GFRAL: variants seen among roughly 807,000 people sequenced by gnomAD.
GFRAL encodes the protein GDNF family receptor alpha like, also known as GDNF family receptor alpha-like.
Under a neutral mutation model 45.4 loss-of-function variants are expected in GFRAL, and 36 were observed. The ratio of observed to expected loss-of-function variants is 0.79; its 90% CI spans 0.61 to 1.05. GFRAL has a LOEUF of 1.05. GFRAL is among the 50% of genes least tolerant of loss of function. The pLI is 0.00. For synonymous variants in GFRAL, 166 were observed against 154.1 expected (o/e 1.08, Z -0.57); for missense variants, 507 against 467.5 (o/e 1.08, Z -0.78).
At chr6:55,364,228 A>G (rs62419077) in intron 6 of GFRAL, among the ~76,000 whole-genome samples, 26,837 of 148,558 alleles carry the variant, frequency 0.18, 2,850 homozygotes, top group African/African-American at 0.29. Context: ...TGGCTGCATA[A>G]ATGTCTTCTT....
intron 3 of GFRAL, among the ~76,000 whole-genome samples, chr6:55,347,877 T>A (rs1768064308): frequency 6.6e-6 from 1 of 152,182 alleles, no homozygotes; most frequent in African/African-American, 2.4e-5. Context: ...AAAAGAAATC[T>A]CTGTTGCATT....
intron 3 of GFRAL, among the ~76,000 whole-genome samples, chr6:55,340,956 G>C (rs1202843445): frequency 6.6e-6 from 1 of 152,190 alleles, no homozygotes; most frequent in Non-Finnish European, 1.5e-5. Flanking sequence ...CAAACTGCAA[G>C]GCAGCAGCGA....
chr6:55,331,399 T>G (rs1767827214), intron 1 of GFRAL, among the ~76,000 whole-genome samples: 1 of 152,020 alleles, frequency 6.6e-6, no homozygotes, highest in South Asian at 2.1e-4. Flanking sequence ...AACCATTAAG[T>G]TAGATTTTAA....
intron 6 of GFRAL, among the ~76,000 whole-genome samples, chr6:55,375,407 T>C (rs1469788435): frequency 6.6e-6 from 1 of 152,192 alleles, no homozygotes; most frequent in Non-Finnish European, 1.5e-5. Flanking sequence ...AGTTTGTTCA[T>C]AATTTGGCTC....
chr6:55,329,282 A>G (rs1354141356), intron 1 of GFRAL, among the ~76,000 whole-genome samples: 1 of 152,096 alleles, frequency 6.6e-6, no homozygotes. Context: ...AAGCTTGTTC[A>G]ACCAAAAACT....
chr6:55,362,220 C>A (rs1025881629), intron 6 of GFRAL, among the ~76,000 whole-genome samples: 2 of 151,356 alleles, frequency 1.3e-5, no homozygotes, highest in Non-Finnish European at 2.9e-5. Flanking sequence ...ATAGTCATGA[C>A]CCTGGCTGGT....
intron 6 of GFRAL, among the ~76,000 whole-genome samples, chr6:55,390,603 C>T (rs1768735810): frequency 6.6e-6 from 1 of 152,010 alleles, no homozygotes; most frequent in Admixed American, 6.6e-5. Context: ...GAAAGTAGTG[C>T]TCTAGGCCAG....
chr6:55,333,588 A>G (rs9475248), intron 2 of GFRAL, among the ~76,000 whole-genome samples, 198 bp from the exon 3 acceptor site: 1 of 152,122 alleles, frequency 6.6e-6, no homozygotes, highest in Non-Finnish European at 1.5e-5. Context: ...TTAATATAGA[A>G]AGTACATTAT....
chr6:55,391,518 A>C (rs1412444466), intron 6 of GFRAL, among the ~76,000 whole-genome samples: 1 of 152,176 alleles, frequency 6.6e-6, no homozygotes, highest in East Asian at 1.9e-4. Context: ...TGGGAGGCCA[A>C]GGTAAGAGGA....
intron 6 of GFRAL, among the ~76,000 whole-genome samples, chr6:55,395,195 A>T (rs1581762046): frequency 8.0e-6 from 1 of 124,442 alleles, no homozygotes; most frequent in African/African-American, 3.7e-5. Flanking sequence ...TATATATATA[A>T]GCCAGCTAGG....
chr6:55,351,466 A>G lies in GFRAL; in HGVS notation c.584A>G (p.Asp195Gly). 1.9e-6 allele frequency: 3 copies of G among 1,613,620 alleles called. No individual in the cohort carries two copies. The highest frequency in any genetic ancestry group is 1.1e-5 in the South Asian group (1 of 91,066). ...GCTTTTTGTGACTGTGCTCAATCTG[A>G]TATACCTTGTCAGCAGTCCAAAGAA... ...MLAFCDCAQS[D>G]IPCQQSKEAL... Residue 195 changes from aspartate to glycine, a missense_variant, in exon 5 of 9, where the codon GAT (aspartate) becomes GGT (glycine). Asp to Gly is a moderately conservative substitution (Grantham distance 94, BLOSUM62 -1). Transcript: ENST00000340465.
Position 55,351,236 on chromosome 6 carries a change from C to T in GFRAL, c.371-17C>T. On this transcript the variant is annotated splice_polypyrimidine_tract_variant and intron_variant, in intron 4 of 8. Transcript: ENST00000340465. ...TGTGTTTACTTTTCCACGACCTGGG[C>T]ATATCATTGCTTTCAGGATTCAAAG... 1 of 1,538,284 alleles carries T rather than the reference C, an allele frequency of 6.5e-7. No homozygotes were observed. The highest frequency in any genetic ancestry group is 2.3e-5 in the East Asian group (1 of 44,156).
At chr6:55,380,629 C>T (rs1161675583) in intron 6 of GFRAL, among the ~76,000 whole-genome samples, 2 of 152,034 alleles carry the variant, frequency 1.3e-5, no homozygotes, top group Non-Finnish European at 2.9e-5. Flanking sequence ...TCACTTACAC[C>T]TCTCAGGGAA....
At position 55,331,775 on chromosome 6, in the gene GFRAL, G is replaced by A. The variant is rs1437873418; in HGVS notation, c.83G>A (p.Arg28Lys). The A allele has an allele frequency of 2.5e-6, 4 of 1,610,836 alleles. No homozygotes were observed. Among genetic ancestry groups the A allele is most frequent in the Admixed American group, 1.7e-5 (1 of 59,758 alleles). The stretch of plus-strand genomic sequence containing the variant: ...CAAACCAATAATTGCACATATTTAA[G>A]AGAGCAATGCTTACGTGATGCAAAT... The part of the protein sequence containing the change: ...TSQTNNCTYL[R>K]EQCLRDANGC... The change falls in exon 2 of 9, where the codon AGA (arginine) becomes AAA (lysine). Residue 28 changes from arginine (R) to lysine (K), a missense_variant. Coordinates refer to ENST00000340465, the MANE Select transcript of GFRAL (RefSeq NM_207410.2).
chr6:55,381,049 A>G (rs983364491), intron 6 of GFRAL, among the ~76,000 whole-genome samples: 1 of 151,962 alleles, frequency 6.6e-6, no homozygotes, highest in Non-Finnish European at 1.5e-5. Context: ...TCTGCTCTCA[A>G]AAAGTTTGAG....
At chr6:55,374,699 C>T (rs1768500578) in intron 6 of GFRAL, among the ~76,000 whole-genome samples, 1 of 152,062 alleles carries the variant, frequency 6.6e-6, no homozygotes, top group South Asian at 2.1e-4. Flanking sequence ...AAAATTTTGC[C>T]TGTGCCTATA....
intron 6 of GFRAL, among the ~76,000 whole-genome samples, chr6:55,363,899 C>T (rs9767082): frequency 0.18 from 26,644 of 148,344 alleles, 2,620 homozygotes; most frequent in African/African-American, 0.29. Flanking sequence ...AATAAACATA[C>T]GTGTGCATGT....
At chr6:55,385,171 G>A (rs937261165) in intron 6 of GFRAL, among the ~76,000 whole-genome samples, 7 of 152,120 alleles carry the variant, frequency 4.6e-5, no homozygotes, top group Non-Finnish European at 8.8e-5. Flanking sequence ...AATAGTATAA[G>A]AATCTGGACA....
chr6:55,351,144 T>G, intron 4 of GFRAL, 109 bp from the exon 5 acceptor site: 1 of 761,546 alleles, frequency 1.3e-6, no homozygotes, highest in Admixed American at 2.4e-5. Context: ...AAATAGGACA[T>G]TGGTACATCA....
Sources: allele counts gnomAD v4.1 joint callset (sites outside exome capture counted in the v4.1 genomes callset), GRCh38; gene constraint gnomAD v4.1.1; transcripts MANE v1.5; gene names NCBI Gene and HGNC (gene_info 2026-07-23, HGNC 2026-07-21).